Variants in GLIS3 observed in about 807,000 individuals in gnomAD.
The protein encoded by GLIS3 is GLIS family zinc finger 3.
A neutral mutation model predicts 78.6 loss-of-function variants in GLIS3; 53 were observed. The observed-to-expected ratio is 0.67, with a 90% CI of 0.54 to 0.85. The LOEUF (loss-of-function observed/expected upper bound fraction) is 0.85, where lower values mean the gene tolerates loss of function less well. Among genes scored for constraint, GLIS3 ranks in the 40% least tolerant of loss-of-function variants. The probability of loss-of-function intolerance (pLI) is 0.00; values close to 1 mark genes in which losing one functional copy is unlikely to be tolerated. For missense variants in GLIS3, 1,703 were observed against 1,231.1 expected, an observed-to-expected ratio of 1.38 and a Z score of -5.74; for synonymous variants, 684 against 509.9, an observed-to-expected ratio of 1.34 and a Z score of -4.60.
chr9:3,989,731 T>C (rs943078025), intron 4 of GLIS3, among the ~76,000 whole-genome samples: 4 of 152,140 alleles, frequency 2.6e-5, no homozygotes, highest in Admixed American at 6.6e-5. Flanking sequence ...AGGGATGGCA[T>C]GTATAGGAAG....
At chr9:4,382,036 G>C in the GLIS3 span, among the ~76,000 whole-genome samples, 1 of 152,192 alleles carries the variant, frequency 6.6e-6, no homozygotes. Context: ...CAGTTCCTAA[G>C]GCTGGTAGCC....
At chr9:4,149,049 C>A (rs561891832) in intron 2 of GLIS3, among the ~76,000 whole-genome samples, 1 of 152,250 alleles carries the variant, frequency 6.6e-6, no homozygotes, top group South Asian at 2.1e-4. Context: ...AAAGGAGGTG[C>A]AGAGTTTACC....
the GLIS3 span, among the ~76,000 whole-genome samples, chr9:4,408,316 A>C: frequency 6.6e-6 from 1 of 151,792 alleles, no homozygotes; most frequent in Non-Finnish European, 1.5e-5. Context: ...CTGCACTCCC[A>C]TGTTTGTTGC....
At chr9:3,917,205 T>A (rs965191472) in intron 6 of GLIS3, among the ~76,000 whole-genome samples, 1 of 152,162 alleles carries the variant, frequency 6.6e-6, no homozygotes, top group Non-Finnish European at 1.5e-5. Context: ...ACCATAACAA[T>A]GTAAATATCA....
intron 4 of GLIS3, among the ~76,000 whole-genome samples, chr9:3,953,793 CTCTA>C (rs1234111797): frequency 3.5e-3 from 164 of 46,894 alleles, no homozygotes; most frequent in African/African-American, 9.6e-3. Flanking sequence ...CTCTCTCTCT[CTCTA>C]TATATATATA....
chr9:4,353,484 G>C, the GLIS3 span, among the ~76,000 whole-genome samples: 1 of 152,178 alleles, frequency 6.6e-6, no homozygotes, highest in Non-Finnish European at 1.5e-5. Flanking sequence ...TCTGGACTCA[G>C]CCCAGCCAAG....
chr9:3,854,734 T>C (rs1819653660), intron 9 of GLIS3, among the ~76,000 whole-genome samples: 1 of 151,196 alleles, frequency 6.6e-6, no homozygotes, highest in Non-Finnish European at 1.5e-5. Flanking sequence ...TTAGTAGAGA[T>C]GGGGTTTTAC....
rs1821748742 is a variant in GLIS3, at chr9:3,881,811, A to AT, written c.2129-2217dup. ...TTTAATGAAGGGAGCAGACCTCTAT[A>AT]TATCGATTTTACCAAAATACCAAGA... is the stretch of plus-strand genomic sequence containing the variant. On this transcript the variant is annotated intron_variant, in intron 7 of 10. Coordinates refer to ENST00000381971, the MANE Select transcript of GLIS3 (RefSeq NM_001042413.2). 3.9e-5 allele frequency among the ~76,000 whole-genome samples: 6 copies of AT among 152,202 alleles called. No homozygotes were observed. The South Asian group carries it at 1.2e-3, about 32-fold the overall frequency.
At chr9:3,876,638 G>C (rs887154614) in intron 8 of GLIS3, among the ~76,000 whole-genome samples, 2 of 80,752 alleles carry the variant, frequency 2.5e-5, no homozygotes, top group African/African-American at 1.0e-4. Context: ...CAAAGTCAGA[G>C]AGAGAGAGAG....
intron 2 of GLIS3, among the ~76,000 whole-genome samples, chr9:4,184,893 G>C (rs1817644796): frequency 6.7e-6 from 1 of 149,612 alleles, no homozygotes; most frequent in South Asian, 2.1e-4. Flanking sequence ...ATTAAATATT[G>C]GGTTACATTA....
intron 2 of GLIS3, among the ~76,000 whole-genome samples, chr9:4,220,025 A>C (rs1408851805): frequency 6.6e-6 from 1 of 152,224 alleles, no homozygotes; most frequent in Non-Finnish European, 1.5e-5. Flanking sequence ...TTTGTACCAA[A>C]AAGTAAGGAA....
Position 4,313,924 on chromosome 9 carries a change from T to C in GLIS3, n.265-3396A>G, listed in dbSNP as rs368793234. Among the ~76,000 whole-genome samples, 60 of 152,306 alleles carry C rather than the reference T, an allele frequency of 3.9e-4. 1 individual carries two copies. In the South Asian group the frequency reaches 0.011, roughly 27 times the overall value. On this transcript the variant is annotated intron_variant and non_coding_transcript_variant, in intron 2 of 4. Transcript: ENST00000471664. Reference sequence around the variant, plus strand: ...CTTGGGCCTCAATATTTGTTAAAAATATAAATGTGTAAATGGGAAAAACTG... The same window carrying C: ...CTTGGGCCTCAATATTTGTTAAAAACATAAATGTGTAAATGGGAAAAACTG...
the GLIS3 span, among the ~76,000 whole-genome samples, chr9:4,398,358 C>T: frequency 9.2e-5 from 14 of 152,172 alleles, no homozygotes; most frequent in East Asian, 3.9e-4. Context: ...TCAGACTCCA[C>T]CCCGTATCTA....
rs1489170022 is a variant in GLIS3, at chr9:4,118,565, A to G, written c.913T>C (p.Leu305=). The G allele has an allele frequency of 6.2e-7, 1 of 1,614,126 alleles. No individual in the cohort carries two copies. Among genetic ancestry groups the G allele is most frequent in the Non-Finnish European group, 8.5e-7 (1 of 1,180,052 alleles). ...CCGATGCCATCGGACAGCGGGGACAAGGACAGCGCTCTCTTCTTGGAGCGG... is the reference window on the plus strand; with the variant it reads ...CCGATGCCATCGGACAGCGGGGACAGGGACAGCGCTCTCTTCTTGGAGCGG... The part of the protein sequence containing the change: ...SARSKKRALS[L]SPLSDGIGID... The change falls in exon 4 of 11, where the codon TTG becomes CTG. Residue 305 remains leucine (L), a synonymous_variant. Transcript: ENST00000381971. The surrounding 1 kb of genome is among the most constrained non-coding windows in gnomAD (Gnocchi z 4.7).
chr9:3,877,572 C>T (rs905094471), intron 8 of GLIS3, among the ~76,000 whole-genome samples: 4 of 152,082 alleles, frequency 2.6e-5, no homozygotes, highest in African/African-American at 7.2e-5. Context: ...ATTGTTTTTT[C>T]CTCCACACTA....
the GLIS3 span, among the ~76,000 whole-genome samples, chr9:4,489,897 G>A: frequency 3.9e-5 from 6 of 152,344 alleles, no homozygotes; most frequent in South Asian, 1.2e-3. Flanking sequence ...AATAATCCCT[G>A]TGGGGGCACT....
At chr9:4,332,957 A>C (rs952785116) in intron 2 of GLIS3, among the ~76,000 whole-genome samples, 6 of 152,216 alleles carry the variant, frequency 3.9e-5, no homozygotes, top group African/African-American at 1.4e-4. Context: ...TCTTGATTCA[A>C]TGTTAACGTT....
the GLIS3 span, among the ~76,000 whole-genome samples, chr9:4,441,782 T>A: frequency 1.3e-5 from 2 of 152,262 alleles, no homozygotes; most frequent in East Asian, 3.9e-4. Context: ...CATTTTTGTA[T>A]TTTTTGTAGA....
chr9:4,449,172 A>G, the GLIS3 span, among the ~76,000 whole-genome samples: 86,162 of 152,070 alleles, frequency 0.57, 24,955 homozygotes, highest in South Asian at 0.72. Context: ...ATTATATACC[A>G]TGCATGGCTT....
Sources: gnomAD v4.1 joint callset for allele counts (sites outside exome capture counted in the v4.1 genomes callset) on GRCh38, gnomAD v4.1.1 for gene constraint, Gnocchi (gnomAD v3.1) non-coding constraint, MANE v1.5 for transcripts, NCBI Gene and HGNC (gene_info 2026-07-23, HGNC 2026-07-21) for gene names.